The following ANO4 variants were observed in gnomAD, a reference collection of about 807,000 sequenced individuals.
The protein encoded by ANO4 is anoctamin-4.
A neutral mutation model predicts 141.9 loss-of-function variants in ANO4; 69 were observed. That is an observed-to-expected ratio of 0.49 (90% CI 0.40 to 0.59). ANO4 has a LOEUF of 0.59. Ranked by LOEUF, ANO4 falls within the 20% of genes least tolerant of loss-of-function variation. The probability of loss-of-function intolerance (pLI) is 0.00; values close to 1 mark genes in which losing one functional copy is unlikely to be tolerated. For missense variants in ANO4, 894 were observed against 1,162.2 expected, an observed-to-expected ratio of 0.77 and a Z score of 3.36; for synonymous variants, 350 against 394.3, an observed-to-expected ratio of 0.89 and a Z score of 1.33.
chr12:101,067,401 A>G (rs1052574837), intron 14 of ANO4, among the ~76,000 whole-genome samples: 3 of 152,220 alleles, frequency 2.0e-5, no homozygotes, highest in Admixed American at 2.0e-4. Flanking sequence ...AGATTTCTCA[A>G]AAGTGCTGAA....
intron 5 of ANO4, among the ~76,000 whole-genome samples, chr12:100,966,119 A>C (rs2043642905): frequency 6.6e-6 from 1 of 152,138 alleles, no homozygotes; most frequent in East Asian, 1.9e-4. Flanking sequence ...AAGACTGATA[A>C]ATCCTTCCAA....
intron 1 of ANO4, among the ~76,000 whole-genome samples, chr12:100,733,601 TCTGGCAC>T (rs2031481294): frequency 6.6e-6 from 1 of 152,168 alleles, no homozygotes; most frequent in Admixed American, 6.5e-5. Flanking sequence ...CATCCCAGGG[TCTGGCAC>T]CTGGCTCTCC....
At chr12:100,774,074 C>G (rs764951399) in intron 3 of ANO4, among the ~76,000 whole-genome samples, 37 of 152,192 alleles carry the variant, frequency 2.4e-4, no homozygotes, top group South Asian at 4.1e-4. Context: ...ACTGTCTGGC[C>G]TTTTTATATA....
intron 3 of ANO4, among the ~76,000 whole-genome samples, chr12:100,928,707 C>T (rs1302833035): frequency 6.6e-6 from 1 of 152,152 alleles, no homozygotes; most frequent in Non-Finnish European, 1.5e-5. Context: ...GCACATAGTT[C>T]TTCTCTAAAT....
intron 8 of ANO4, among the ~76,000 whole-genome samples, chr12:100,994,576 T>A (rs1256348345): frequency 2.6e-5 from 4 of 152,238 alleles, no homozygotes. Flanking sequence ...CAGAAAAATG[T>A]TCTCCCCTGC....
At chr12:101,111,742 C>A (rs1444277054) in intron 24 of ANO4, 32 bp downstream of exon 24, 9 of 1,530,578 alleles carry the variant, frequency 5.9e-6, no homozygotes, top group African/African-American at 1.4e-5. Flanking sequence ...TATACAGTTT[C>A]TATTTCCTAG....
intron 1 of ANO4, among the ~76,000 whole-genome samples, chr12:100,806,152 T>C (rs2035011524): frequency 6.6e-6 from 1 of 152,080 alleles, no homozygotes; most frequent in Non-Finnish European, 1.5e-5. Context: ...GCTAAGGAAG[T>C]ATAGTTAGGT....
chr12:101,011,438 A>C (rs747916005), intron 8 of ANO4, among the ~76,000 whole-genome samples: 1 of 151,780 alleles, frequency 6.6e-6, no homozygotes. Flanking sequence ...TCTCATCCCA[A>C]TATTGCATCA....
chr12:100,890,968 G>A (rs567358536), intron 1 of ANO4, among the ~76,000 whole-genome samples: 4 of 152,000 alleles, frequency 2.6e-5, no homozygotes, highest in East Asian at 1.9e-4. Flanking sequence ...TTCTTTCCTC[G>A]TGGCAACCAC....
At chr12:101,074,360 G>T (rs1255296616) in intron 14 of ANO4, among the ~76,000 whole-genome samples, 3 of 152,138 alleles carry the variant, frequency 2.0e-5, no homozygotes, top group African/African-American at 7.2e-5. Flanking sequence ...GGTCACCTGG[G>T]TTCTACCCGT....
chr12:100,730,611 T>G (rs1237287440), intron 1 of ANO4, among the ~76,000 whole-genome samples: 1 of 152,166 alleles, frequency 6.6e-6, no homozygotes, highest in East Asian at 1.9e-4. Flanking sequence ...AGCACTAAAC[T>G]CTGGAAATTG....
At chr12:100,854,420 A>G (rs2038054484) in intron 1 of ANO4, among the ~76,000 whole-genome samples, 1 of 151,888 alleles carries the variant, frequency 6.6e-6, no homozygotes, top group Non-Finnish European at 1.5e-5. Context: ...TATTATGGAA[A>G]GTTTTCAACC....
intron 3 of ANO4, among the ~76,000 whole-genome samples, chr12:100,784,356 C>T: frequency 6.6e-6 from 1 of 152,188 alleles, no homozygotes; most frequent in South Asian, 2.1e-4. Context: ...CCTTTTGGAA[C>T]ACAGCGACTG....
At chr12:101,116,831 G>A in intron 25 of ANO4, 33 bp downstream of exon 25, 1 of 1,613,482 alleles carries the variant, frequency 6.2e-7, no homozygotes, top group Non-Finnish European at 8.5e-7. Flanking sequence ...CTCTGCCTGA[G>A]CTGGGCTGGC....
At chr12:101,070,676 A>G (rs1201871653) in intron 14 of ANO4, among the ~76,000 whole-genome samples, 1 of 152,200 alleles carries the variant, frequency 6.6e-6, no homozygotes. Context: ...GGATCACGTC[A>G]AGTTAAAAAT....
chr12:100,810,126 A>G (rs970396435), intron 1 of ANO4, among the ~76,000 whole-genome samples: 2 of 150,378 alleles, frequency 1.3e-5, no homozygotes, highest in Non-Finnish European at 3.0e-5. Flanking sequence ...ATGCAGCAGG[A>G]TGAAAGGGAA....
At chr12:100,767,322 A>G (rs2033129448) in intron 3 of ANO4, among the ~76,000 whole-genome samples, 1 of 151,774 alleles carries the variant, frequency 6.6e-6, no homozygotes, top group Non-Finnish European at 1.5e-5. Context: ...TTGATTTTTG[A>G]TTTTTTAGTG....
chr12:100,822,338 C>T (rs1430684185), intron 1 of ANO4, among the ~76,000 whole-genome samples: 2 of 151,986 alleles, frequency 1.3e-5, no homozygotes, highest in African/African-American at 2.4e-5. Context: ...TCACTTCTTT[C>T]CCCAAAGTCC....
chr12:101,052,963 C>A (rs1456250416), intron 14 of ANO4, among the ~76,000 whole-genome samples: 1 of 152,180 alleles, frequency 6.6e-6, no homozygotes, highest in Non-Finnish European at 1.5e-5. Context: ...TAAACCAGAT[C>A]TGGTCTGTTT....
Sources: gnomAD v4.1 joint callset for allele counts (sites outside exome capture counted in the v4.1 genomes callset) on GRCh38, gnomAD v4.1.1 for gene constraint, MANE v1.5 for transcripts, NCBI Gene and HGNC (gene_info 2026-07-23, HGNC 2026-07-21) for gene names.